The following FMN1 variants were observed in gnomAD, a reference collection of about 807,000 sequenced individuals.
FMN1 encodes the protein formin 1, also known as formin-1.
FMN1 carries 110 observed loss-of-function variants against 132.4 expected under a neutral mutation model. The ratio of observed to expected loss-of-function variants is 0.83; its 90% CI spans 0.71 to 0.97. The LOEUF (loss-of-function observed/expected upper bound fraction) is 0.97, where lower values mean the gene tolerates loss of function less well. Among genes scored for constraint, FMN1 ranks in the 50% least tolerant of loss-of-function variants. The pLI, the probability that FMN1 is intolerant of heterozygous loss-of-function variation, is 0.00. For missense variants in FMN1, 1,792 were observed against 1,705.3 expected (o/e 1.05, Z -0.90); for synonymous variants, 722 against 651.7 (o/e 1.11, Z -1.64).
intron 6 of FMN1, among the ~76,000 whole-genome samples, chr15:33,029,682 T>A (rs2035844508): frequency 6.7e-6 from 1 of 148,728 alleles, no homozygotes; most frequent in African/African-American, 2.5e-5. Context: ...TCACCGAGAA[T>A]GCAGCATTAA....
chr15:32,784,902 A>G (rs963995769), intron 19 of FMN1, among the ~76,000 whole-genome samples: 31 of 152,016 alleles, frequency 2.0e-4, no homozygotes, highest in African/African-American at 7.3e-4. Flanking sequence ...TCCAATGTCT[A>G]TTTGCCTCCT....
intron 6 of FMN1, among the ~76,000 whole-genome samples, chr15:33,018,906 G>A (rs961028370): frequency 2.6e-5 from 4 of 152,132 alleles, no homozygotes; most frequent in African/African-American, 9.7e-5. Context: ...AGTCTCACTG[G>A]CTCAGGAGTG....
chr15:33,062,984 C>G (rs1164118577), intron 6 of FMN1: 1 of 152,168 alleles, frequency 6.6e-6, no homozygotes, highest in East Asian at 1.9e-4. Context: ...AGAAGCTTGT[C>G]TTTGTGCCCT....
intron 9 of FMN1, among the ~76,000 whole-genome samples, chr15:32,932,643 T>C (rs2061150143): frequency 6.6e-6 from 1 of 152,196 alleles, no homozygotes; most frequent in South Asian, 2.1e-4. Context: ...GGCTTTTCTC[T>C]GGAGGTTTTT....
Position 32,830,504 on chromosome 15 carries a change from T to C in FMN1, c.3929-26172A>G, listed in dbSNP as rs2058473808. ...AATTCCATTCCATTTATGATCTAAA[T>C]GAGGAGGAACTCCTTTAAATTCTTT... On this transcript the variant is annotated intron_variant, in intron 17 of 20. Transcript: ENST00000616417. Among the ~76,000 whole-genome samples, 5 of 152,332 alleles carry C rather than the reference T, an allele frequency of 3.3e-5. No homozygotes were observed. The South Asian group carries it at 1.0e-3, about 32-fold the overall frequency.
chr15:32,888,224 G>T lies in FMN1; in HGVS notation c.3783C>A (p.Val1261=), dbSNP rs374100732. The change falls in exon 16 of 21, where the codon GTC becomes GTA. Residue 1261 remains valine (V), a synonymous_variant. Transcript: ENST00000616417. Reference sequence around the variant, plus strand: ...AATCTTTTATGAGGTCTTCAAACTTGACTTGGGAGGCCAGAAAGAAATCCT... The same window carrying T: ...AATCTTTTATGAGGTCTTCAAACTTTACTTGGGAGGCCAGAAAGAAATCCT... ...EPQDFFLASQ[V]KFEDLIKDLR... The T allele has an allele frequency of 6.7e-4, 1,084 of 1,612,980 alleles. 8 individuals are homozygous for T. In the South Asian group the frequency reaches 0.011, roughly 17 times the overall value.
intron 17 of FMN1, among the ~76,000 whole-genome samples, chr15:32,842,485 T>C (rs1203554843): frequency 6.6e-6 from 1 of 152,236 alleles, no homozygotes; most frequent in African/African-American, 2.4e-5. Context: ...TGGTTGGTTA[T>C]GCACTGTGGA....
At chr15:33,017,520 CTACT>C (rs2035127116) in intron 6 of FMN1, among the ~76,000 whole-genome samples, 1 of 151,886 alleles carries the variant, frequency 6.6e-6, no homozygotes, top group Non-Finnish European at 1.5e-5. Flanking sequence ...GTGAGTCAAC[CTACT>C]ATGTTGTTCA....
intron 7 of FMN1, among the ~76,000 whole-genome samples, chr15:32,980,150 T>C (rs2032536918): frequency 2.0e-5 from 3 of 152,100 alleles, no homozygotes; most frequent in Non-Finnish European, 2.9e-5. Flanking sequence ...GTGTTTTAAA[T>C]TTCCAAAAAT....
intron 6 of FMN1, among the ~76,000 whole-genome samples, chr15:33,010,000 C>T (rs1375613150): frequency 6.6e-6 from 1 of 152,174 alleles, no homozygotes; most frequent in East Asian, 1.9e-4. Context: ...GATTCTTCTG[C>T]CTCAGCCTCC....
chr15:33,139,327 T>C (rs1286538122), intron 4 of FMN1, among the ~76,000 whole-genome samples: 4 of 152,192 alleles, frequency 2.6e-5, no homozygotes, highest in Non-Finnish European at 5.9e-5. Context: ...CCGGGCACGG[T>C]GGCGCACGCC....
At chr15:32,853,564 A>C (rs1159796856) in intron 17 of FMN1, among the ~76,000 whole-genome samples, 1 of 152,220 alleles carries the variant, frequency 6.6e-6, no homozygotes, top group African/African-American at 2.4e-5. Flanking sequence ...TTTTCTACGA[A>C]TCAGTGAAAT....
At chr15:32,973,267 T>C (rs1322397762) in intron 7 of FMN1, among the ~76,000 whole-genome samples, 3 of 152,214 alleles carry the variant, frequency 2.0e-5, no homozygotes, top group Non-Finnish European at 4.4e-5. Flanking sequence ...TATTGGCTTT[T>C]GTCCCTTCCC....
chr15:33,110,204 G>A (rs1484115657), intron 4 of FMN1, among the ~76,000 whole-genome samples: 3 of 151,878 alleles, frequency 2.0e-5, no homozygotes, highest in Non-Finnish European at 4.4e-5. Context: ...AGATTATTAG[G>A]ACACTAAAAA....
At chr15:32,851,707 G>C (rs1227900437) in intron 17 of FMN1, among the ~76,000 whole-genome samples, 1 of 152,126 alleles carries the variant, frequency 6.6e-6, no homozygotes, top group African/African-American at 2.4e-5. Flanking sequence ...CACTATATAA[G>C]GACATTCTGA....
intron 7 of FMN1, among the ~76,000 whole-genome samples, chr15:32,996,978 C>T (rs991292656): frequency 1.3e-5 from 2 of 152,124 alleles, no homozygotes; most frequent in Non-Finnish European, 2.9e-5. Context: ...TTACAAAAAT[C>T]GTAACGAAGA....
At chr15:33,135,715 A>G (rs1484907986) in intron 4 of FMN1, among the ~76,000 whole-genome samples, 1 of 152,214 alleles carries the variant, frequency 6.6e-6, no homozygotes, top group African/African-American at 2.4e-5. Flanking sequence ...TACTTCCCCA[A>G]GGTTATGCAA....
At chr15:32,894,330 C>CA (rs892728792) in intron 15 of FMN1, among the ~76,000 whole-genome samples, 17 of 151,478 alleles carry the variant, frequency 1.1e-4, no homozygotes, top group Admixed American at 7.9e-4. Flanking sequence ...GCTAAAAATA[C>CA]AAAAAAAATT....
At chr15:32,789,001 C>T (rs550733487) in intron 19 of FMN1, among the ~76,000 whole-genome samples, 1 of 152,282 alleles carries the variant, frequency 6.6e-6, no homozygotes, top group South Asian at 2.1e-4. Flanking sequence ...ACTTCTACCA[C>T]CAAAACCCAA....
Sources: allele counts gnomAD v4.1 joint callset (sites outside exome capture counted in the v4.1 genomes callset), GRCh38; gene constraint gnomAD v4.1.1; transcripts MANE v1.5; gene names NCBI Gene and HGNC (gene_info 2026-07-23, HGNC 2026-07-21).